The following SGCZ variants were observed in gnomAD, a reference collection of about 807,000 sequenced individuals.
SGCZ encodes zeta-sarcoglycan.
A neutral mutation model predicts 41.3 loss-of-function variants in SGCZ; 40 were observed. The ratio of observed to expected loss-of-function variants is 0.97; its 90% CI spans 0.75 to 1.26. The LOEUF is 1.26. SGCZ is among the 50% of genes most tolerant of loss of function. The pLI is 0.00. For missense variants in SGCZ, 552 were observed against 369.8 expected, an observed-to-expected ratio of 1.49 and a Z score of -4.04; for synonymous variants, 206 against 137.5, an observed-to-expected ratio of 1.50 and a Z score of -3.49.
At chr8:14,990,010 C>T (rs1402714742) in intron 1 of SGCZ, among the ~76,000 whole-genome samples, 1 of 152,120 alleles carries the variant, frequency 6.6e-6, no homozygotes, top group South Asian at 2.1e-4. Context: ...AAATAGCTGC[C>T]TACATTTTAA....
Position 14,651,358 on chromosome 8 carries a change from G to T in SGCZ, c.40-96432C>A, listed in dbSNP as rs1397656477. ...CATTTCAAATCATATTTTACTGTTGGCAGAGCAGGAATTGAATATGAACAT... is the reference window on the plus strand; with the variant it reads ...CATTTCAAATCATATTTTACTGTTGTCAGAGCAGGAATTGAATATGAACAT... On this transcript the variant is annotated intron_variant, in intron 1 of 7. Coordinates refer to ENST00000382080, the MANE Select transcript of SGCZ (RefSeq NM_139167.4). Among the ~76,000 whole-genome samples, 4 of 152,102 alleles carry T rather than the reference G, an allele frequency of 2.6e-5. No individual in the cohort carries two copies. The East Asian group carries it at 5.8e-4, about 22-fold the overall frequency.
intron 2 of SGCZ, among the ~76,000 whole-genome samples, chr8:14,443,135 AAACCACT>A (rs200453209): frequency 0.04 from 6,166 of 152,262 alleles, 183 homozygotes; most frequent in African/African-American, 0.081. Context: ...GGAGAACCAC[AAACCACT>A]GCTCAAGGAA....
intron 1 of SGCZ, among the ~76,000 whole-genome samples, chr8:15,006,212 GACAT>G (rs1802603360): frequency 6.6e-6 from 1 of 152,164 alleles, no homozygotes; most frequent in African/African-American, 2.4e-5. Context: ...AATAGCACTA[GACAT>G]ACTGATGATG....
chr8:15,161,921 G>C (rs749683262), intron 1 of SGCZ, among the ~76,000 whole-genome samples: 1 of 152,102 alleles, frequency 6.6e-6, no homozygotes, highest in Admixed American at 6.5e-5. Flanking sequence ...TGTAGTCCCA[G>C]CTACTTGGCT....
chr8:14,595,813 T>C (rs946676653), intron 1 of SGCZ, among the ~76,000 whole-genome samples: 1 of 152,220 alleles, frequency 6.6e-6, no homozygotes, highest in Non-Finnish European at 1.5e-5. Flanking sequence ...AATTTAATTG[T>C]TCTGACAATT....
chr8:14,679,842 G>C (rs79447451), intron 1 of SGCZ, among the ~76,000 whole-genome samples: 30,053 of 151,264 alleles, frequency 0.2, 3,607 homozygotes, highest in East Asian at 0.44. Flanking sequence ...CTATACAGAT[G>C]TTTTCTTTGA....
chr8:14,252,016 A>C lies in SGCZ; in HGVS notation c.337-14337T>G, dbSNP rs192737960. Among the ~76,000 whole-genome samples, 257 of 152,116 alleles carry C rather than the reference A, an allele frequency of 1.7e-3. 1 individual carries two copies. Among genetic ancestry groups the C allele is most frequent in the African/African-American group, 5.7e-3 (238 of 41,516 alleles). ...TGAGCCACCGTGCCTGGCCTGATTC[A>C]TGTCTTTTATTAGATTGGGAAAACT... On this transcript the variant is annotated intron_variant, in intron 3 of 7. Coordinates refer to ENST00000382080, the MANE Select transcript of SGCZ (RefSeq NM_139167.4).
intron 2 of SGCZ, among the ~76,000 whole-genome samples, chr8:14,345,641 T>G (rs776245570): frequency 6.6e-6 from 1 of 152,120 alleles, no homozygotes; most frequent in Non-Finnish European, 1.5e-5. Context: ...ATTTCCCAGC[T>G]TTCCCAGAAG....
Position 14,549,287 on chromosome 8 carries a change from G to A in SGCZ, c.234+5445C>T, listed in dbSNP as rs149237044. On this transcript the variant is annotated intron_variant, in intron 2 of 7. Coordinates refer to ENST00000382080, the MANE Select transcript of SGCZ (RefSeq NM_139167.4). ...AAAACTATCTTACCAAAGTGCTTTC[G>A]GATTCGGACAGAAATTATGCTGTTT... 2.4e-4 allele frequency among the ~76,000 whole-genome samples: 37 copies of A among 152,030 alleles called. No individual in the cohort carries two copies. The East Asian group carries it at 6.4e-3, about 26-fold the overall frequency.
intron 1 of SGCZ, among the ~76,000 whole-genome samples, chr8:14,871,629 C>A (rs1352738962): frequency 1.3e-5 from 2 of 151,924 alleles, no homozygotes; most frequent in South Asian, 2.1e-4. Flanking sequence ...CACAGTGAAA[C>A]CCCATCTCTA....
chr8:14,761,686 T>C (rs1799883611), intron 1 of SGCZ, among the ~76,000 whole-genome samples: 1 of 151,784 alleles, frequency 6.6e-6, no homozygotes, highest in African/African-American at 2.4e-5. Flanking sequence ...CCGCCACACC[T>C]GGCTAATTTT....
intron 7 of SGCZ, among the ~76,000 whole-genome samples, chr8:14,098,157 C>T (rs138642657): frequency 3.0e-4 from 46 of 152,196 alleles, no homozygotes; most frequent in Middle Eastern, 3.4e-3. Context: ...AAATGAATGG[C>T]TGCATTTATC....
Position 14,959,443 on chromosome 8 carries a change from G to T in SGCZ, c.39+278142C>A, listed in dbSNP as rs534685161. ...ACATAGAGTACCCTCCAAATTAATG[G>T]GTAAATACAATGTTGCTTATAGTAT... On this transcript the variant is annotated intron_variant, in intron 1 of 7. Coordinates refer to ENST00000382080, the MANE Select transcript of SGCZ (RefSeq NM_139167.4). 4.6e-5 allele frequency among the ~76,000 whole-genome samples: 7 copies of T among 152,062 alleles called. No individual in the cohort carries two copies. The East Asian group carries it at 7.7e-4, about 17-fold the overall frequency.
chr8:14,355,005 C>T (rs1803243428), intron 2 of SGCZ, among the ~76,000 whole-genome samples: 1 of 151,824 alleles, frequency 6.6e-6, no homozygotes, highest in Non-Finnish European at 1.5e-5. Flanking sequence ...TCAAAGATTA[C>T]AGAAGTTTTT....
At chr8:14,806,937 C>T (rs1462312954) in intron 1 of SGCZ, among the ~76,000 whole-genome samples, 1 of 151,402 alleles carries the variant, frequency 6.6e-6, no homozygotes, top group Non-Finnish European at 1.5e-5. Flanking sequence ...ATATGCAAAT[C>T]AATAAATGTA....
chr8:14,465,148 T>C (rs1215956457), intron 2 of SGCZ, among the ~76,000 whole-genome samples: 2 of 151,694 alleles, frequency 1.3e-5, no homozygotes, highest in Admixed American at 1.3e-4. Context: ...TTTCTCCCTA[T>C]TATTGAAAGT....
chr8:14,090,510 A>G lies in SGCZ; in HGVS notation c.872T>C (p.Leu291Pro). 1 of 1,613,090 alleles carries G rather than the reference A, an allele frequency of 6.2e-7. No homozygotes were observed. The highest frequency in any genetic ancestry group is 8.5e-7 in the Non-Finnish European group (1 of 1,179,394). Reference sequence around the variant, plus strand: ...ACCTACTCCTGCTGGAGAAAGGTAAAGTTTGCCATTGGGGCAGACGCAGAG... The same window carrying G: ...ACCTACTCCTGCTGGAGAAAGGTAAGGTTTGCCATTGGGGCAGACGCAGAG... ...YELCVCPNGK[L>P]YLSPAGVGST... is the part of the protein sequence containing the mutation. Residue 291 changes from leucine (L) to proline (P), a missense_variant, in exon 8 of 8, where the codon CTT (leucine) becomes CCT (proline). Physicochemically the swap from Leu to Pro is moderately conservative, Grantham distance 98. Transcript: ENST00000382080.
At chr8:14,727,927 A>G (rs1234713014) in intron 1 of SGCZ, among the ~76,000 whole-genome samples, 1 of 152,240 alleles carries the variant, frequency 6.6e-6, no homozygotes, top group Non-Finnish European at 1.5e-5. Context: ...TAAAATGAGT[A>G]AACTATAGAC....
intron 1 of SGCZ, among the ~76,000 whole-genome samples, chr8:15,235,804 T>A (rs1038639336): frequency 2.8e-4 from 43 of 152,280 alleles, no homozygotes; most frequent in Non-Finnish European, 5.7e-4. Flanking sequence ...TGTCATACCC[T>A]AAAGTTAACC....
Sources: gnomAD v4.1 joint callset for allele counts (sites outside exome capture counted in the v4.1 genomes callset) on GRCh38, gnomAD v4.1.1 for gene constraint, MANE v1.5 for transcripts, NCBI Gene and HGNC (gene_info 2026-07-23, HGNC 2026-07-21) for gene names.